The following EMILIN2 variants were observed in gnomAD, a reference collection of about 807,000 sequenced individuals.
EMILIN2 encodes EMILIN-2.
EMILIN2 carries 71 observed loss-of-function variants against 87.1 expected under a neutral mutation model. That is an observed-to-expected ratio of 0.82 (90% confidence interval 0.67 to 0.99). EMILIN2 has a LOEUF of 0.99. Ranked by LOEUF, EMILIN2 falls within the 50% of genes least tolerant of loss-of-function variation. The pLI is 0.00. For missense variants in EMILIN2, 1,407 were observed against 1,371.8 expected, an observed-to-expected ratio of 1.03 and a Z score of -0.40; for synonymous variants, 581 against 563.4, an observed-to-expected ratio of 1.03 and a Z score of -0.44.
chr18:2,909,070 A>T (rs1474140534), intron 6 of EMILIN2, 95 bp downstream of exon 6: 1 of 1,479,582 alleles, frequency 6.8e-7, no homozygotes, highest in South Asian at 1.1e-5. Context: ...CCAGGCTATT[A>T]GCACAAATCA....
At chr18:2,858,581 G>GTATATATA (rs1416903980) in intron 2 of EMILIN2, among the ~76,000 whole-genome samples, 2,157 of 64,570 alleles carry the variant, frequency 0.033, 148 homozygotes, top group South Asian at 0.066. Context: ...GTGTGTGTGT[G>GTATATATA]TGTATATATA....
At position 2,913,145 on chromosome 18, in the gene EMILIN2, C is replaced by A. The variant is rs777554154; in HGVS notation, c.2903C>A (p.Ala968Glu). ...CCCGAGAGAGACGCCTACGTGGAAG[C>A]AGTGCTGTCGGTCTCCAACGCCAGC... Reference protein sequence around the residue: ...LTPERDAYVEAVLSVSNASVA... With the variant: ...LTPERDAYVEEVLSVSNASVA... The change falls in exon 8 of 8, where the codon GCA (alanine) becomes GAA (glutamate). Residue 968 changes from alanine to glutamate, a missense_variant. Physicochemically the swap from Ala to Glu is moderately radical, Grantham distance 107. Coordinates refer to ENST00000254528, the MANE Select transcript of EMILIN2 (RefSeq NM_032048.3). 1 of 1,614,014 alleles carries A rather than the reference C, an allele frequency of 6.2e-7. No homozygotes were observed. The highest frequency in any genetic ancestry group is 8.5e-7 in the Non-Finnish European group (1 of 1,180,028).
chr18:2,852,875 T>C (rs1435927694), intron 2 of EMILIN2, among the ~76,000 whole-genome samples: 1 of 152,200 alleles, frequency 6.6e-6, no homozygotes, highest in Non-Finnish European at 1.5e-5. Flanking sequence ...AATTTAAAAT[T>C]GGGATGTCTT....
chr18:2,867,765 C>T (rs931131303), intron 2 of EMILIN2, among the ~76,000 whole-genome samples: 12 of 152,372 alleles, frequency 7.9e-5, no homozygotes, highest in Non-Finnish European at 1.3e-4. Flanking sequence ...TACACAGACA[C>T]GGCAACCATC....
At chr18:2,873,785 C>T (rs2076734281) in intron 2 of EMILIN2, among the ~76,000 whole-genome samples, 1 of 152,042 alleles carries the variant, frequency 6.6e-6, no homozygotes, top group African/African-American at 2.4e-5. Flanking sequence ...CCTCTTCACC[C>T]CAAAAGTCTA....
intron 2 of EMILIN2, among the ~76,000 whole-genome samples, chr18:2,858,565 ATATATGTGTGTGTGTGTG>A (rs2076642182): frequency 2.1e-4 from 14 of 67,774 alleles, no homozygotes; most frequent in South Asian, 5.7e-4. Context: ...ATATATATAT[ATATATGTGTGTGTGTGTG>A]TATATATATA....
chr18:2,900,674 G>A (rs1225789142), intron 4 of EMILIN2, among the ~76,000 whole-genome samples: 1 of 69,814 alleles, frequency 1.4e-5, no homozygotes, highest in Non-Finnish European at 3.4e-5. Context: ...GCTCACCCCG[G>A]GCCCATTTAG....
intron 2 of EMILIN2, among the ~76,000 whole-genome samples, chr18:2,860,444 G>A (rs898103635): frequency 3.9e-5 from 6 of 152,028 alleles, no homozygotes; most frequent in African/African-American, 1.5e-4. Flanking sequence ...GTGTCCATGT[G>A]TTATCATTGT....
intron 2 of EMILIN2, among the ~76,000 whole-genome samples, chr18:2,858,522 CATATATATATATATATATAT>C (rs202158489): frequency 0.075 from 3,418 of 45,766 alleles, 289 homozygotes; most frequent in Middle Eastern, 0.21. Flanking sequence ...AGTATTCCAT[CATATATATATATATATATAT>C]ATATATATAT....
intron 2 of EMILIN2, among the ~76,000 whole-genome samples, chr18:2,866,305 C>T (rs2076686591): frequency 6.6e-6 from 1 of 152,230 alleles, no homozygotes; most frequent in Admixed American, 6.5e-5. Context: ...GAGCTGTAGA[C>T]TGGAGCTGTT....
chr18:2,912,596 T>G (rs2076946576), intron 7 of EMILIN2, among the ~76,000 whole-genome samples: 1 of 152,156 alleles, frequency 6.6e-6, no homozygotes, highest in South Asian at 2.1e-4. Context: ...CCAGAACGTG[T>G]GGGTCATGGG....
intron 2 of EMILIN2, among the ~76,000 whole-genome samples, chr18:2,858,522 C>CATATATATATAT (rs202158489): frequency 1.0e-3 from 48 of 45,736 alleles, no homozygotes; most frequent in Non-Finnish European, 1.5e-3. Flanking sequence ...AGTATTCCAT[C>CATATATATATAT]ATATATATAT....
intron 2 of EMILIN2, among the ~76,000 whole-genome samples, chr18:2,877,798 AAAAC>A (rs1381870354): frequency 1.3e-5 from 2 of 151,952 alleles, no homozygotes; most frequent in Admixed American, 1.3e-4. Flanking sequence ...AAAAAGAAAG[AAAAC>A]CAGTCCACTG....
intron 4 of EMILIN2, among the ~76,000 whole-genome samples, chr18:2,903,494 C>T (rs1346667838): frequency 6.6e-6 from 1 of 152,122 alleles, no homozygotes; most frequent in East Asian, 1.9e-4. Flanking sequence ...TGGTACTTAC[C>T]TCCGTATTTC....
intron 2 of EMILIN2, among the ~76,000 whole-genome samples, chr18:2,883,709 CTG>C (rs2076788726): frequency 6.6e-6 from 1 of 152,234 alleles, no homozygotes; most frequent in Non-Finnish European, 1.5e-5. Flanking sequence ...GCAAAGCTCT[CTG>C]TGTGATATTC....
chr18:2,882,281 C>A (rs756778114), intron 2 of EMILIN2, among the ~76,000 whole-genome samples: 1 of 152,228 alleles, frequency 6.6e-6, no homozygotes, highest in Non-Finnish European at 1.5e-5. Flanking sequence ...TACTACCAGG[C>A]TTCCTCTTCA....
At chr18:2,901,581 T>A (rs1036935946) in intron 4 of EMILIN2, among the ~76,000 whole-genome samples, 1 of 152,106 alleles carries the variant, frequency 6.6e-6, no homozygotes, top group Non-Finnish European at 1.5e-5. Flanking sequence ...CCGTGCGGAG[T>A]GTCAGGCAGG....
rs746417415 is a variant in EMILIN2, at chr18:2,891,770, T to C, written c.1643T>C (p.Val548Ala). The C allele has an allele frequency of 5.6e-5, 91 of 1,614,082 alleles. No individual in the cohort carries two copies. The highest frequency in any genetic ancestry group is 1.0e-4 in the Admixed American group (6 of 59,998). ...ELNHLKDKVQ[V>A]VEDICLLNIQ... is the part of the protein sequence containing the mutation. ...AACCACCTGAAGGACAAAGTTCAAG[T>C]TGTTGAAGACATTTGCCTGCTGAAC... The change falls in exon 4 of 8, where the codon GTT (valine) becomes GCT (alanine). Residue 548 changes from valine to alanine, a missense_variant. Val to Ala is a moderately conservative substitution (Grantham distance 64). Coordinates refer to ENST00000254528, the MANE Select transcript of EMILIN2 (RefSeq NM_032048.3). This position sits in a 1 kb window ranked among gnomAD's most constrained non-coding sequence, Gnocchi z 4.6.
chr18:2,880,658 C>T lies in EMILIN2; in HGVS notation c.258-4306C>T, dbSNP rs897150154. Among the ~76,000 whole-genome samples the T allele has an allele frequency of 1.3e-5, 2 of 152,342 alleles. No homozygotes were observed. The highest frequency in any genetic ancestry group is 6.5e-5 in the Admixed American group (1 of 15,304). Reference sequence around the variant, plus strand: ...ACTTTTCCTCTGGCTGCGGGTCCCTCGGCTTGGCCACCCCCACACTGCAGT... The same window carrying T: ...ACTTTTCCTCTGGCTGCGGGTCCCTTGGCTTGGCCACCCCCACACTGCAGT... On this transcript the variant is annotated intron_variant, in intron 2 of 7. Coordinates refer to ENST00000254528, the MANE Select transcript of EMILIN2 (RefSeq NM_032048.3). This position sits in a 1 kb window ranked among gnomAD's most constrained non-coding sequence, Gnocchi z 4.1.
Sources: allele counts gnomAD v4.1 joint callset (sites outside exome capture counted in the v4.1 genomes callset), GRCh38; gene constraint gnomAD v4.1.1; non-coding constraint Gnocchi (gnomAD v3.1); transcripts MANE v1.5; gene names NCBI Gene and HGNC (gene_info 2026-07-23, HGNC 2026-07-21).